Variants in CUEDC1 observed in about 807,000 individuals in gnomAD.
The protein encoded by CUEDC1 is CUE domain-containing protein 1.
In CUEDC1, 30 loss-of-function variants were observed where a neutral mutation model predicts 43.7. The observed-to-expected ratio is 0.69, with a 90% CI of 0.51 to 0.93. The LOEUF (loss-of-function observed/expected upper bound fraction) is 0.93. CUEDC1 is among the 40% of genes least tolerant of loss of function. The probability of loss-of-function intolerance (pLI) is 0.00; values close to 1 mark genes in which losing one functional copy is unlikely to be tolerated. For synonymous variants in CUEDC1, 223 were observed against 223.6 expected, an observed-to-expected ratio of 1.00 and a Z score of 0.02; for missense variants, 486 against 549.0, an observed-to-expected ratio of 0.89 and a Z score of 1.15.
At chr17:57,885,930 C>T (rs2074285501) in intron 1 of CUEDC1, 51 bp from the exon 2 acceptor site, 1 of 181,714 alleles carries the variant, frequency 5.5e-6, no homozygotes, top group Non-Finnish European at 1.1e-5. Flanking sequence ...AACATGAGCT[C>T]AGGGTGGCGG....
chr17:57,933,483 C>G (rs1274461185), intron 1 of CUEDC1, among the ~76,000 whole-genome samples: 1 of 152,104 alleles, frequency 6.6e-6, no homozygotes, highest in African/African-American at 2.4e-5. Flanking sequence ...GATGAAGAAG[C>G]CACTTTCATC....
intron 1 of CUEDC1, among the ~76,000 whole-genome samples, chr17:57,935,406 A>ACACACACAAAC (rs2074851488): frequency 1.6e-4 from 12 of 77,010 alleles, no homozygotes; most frequent in Non-Finnish European, 2.7e-4. Context: ...CACACACACA[A>ACACACACAAAC]ACACACACAC....
At chr17:57,933,568 A>G (rs186445845) in intron 1 of CUEDC1, among the ~76,000 whole-genome samples, 16 of 152,346 alleles carry the variant, frequency 1.1e-4, no homozygotes. Context: ...GGAATCCAGG[A>G]GGACCCAGCC....
chr17:57,952,969 T>C (rs2075022342), intron 1 of CUEDC1, among the ~76,000 whole-genome samples: 1 of 152,126 alleles, frequency 6.6e-6, no homozygotes, highest in South Asian at 2.1e-4. Context: ...AGGCCTCCTC[T>C]GGCCTGGGGC....
intron 2 of CUEDC1, among the ~76,000 whole-genome samples, chr17:57,880,970 C>T (rs551062659): frequency 9.1e-4 from 139 of 152,300 alleles, no homozygotes; most frequent in African/African-American, 3.1e-3. Context: ...GGGAGGAGCT[C>T]AGAGGCTGTG....
At chr17:57,895,705 C>A (rs892333719) in intron 1 of CUEDC1, among the ~76,000 whole-genome samples, 2 of 152,168 alleles carry the variant, frequency 1.3e-5, no homozygotes, top group Admixed American at 6.5e-5. Flanking sequence ...CCCCCTGCCC[C>A]TCCCCTCCCA....
intron 3 of CUEDC1, among the ~76,000 whole-genome samples, chr17:57,875,107 C>G (rs934122890): frequency 6.6e-6 from 1 of 152,120 alleles, no homozygotes; most frequent in Non-Finnish European, 1.5e-5. Flanking sequence ...CTGTTGGAGG[C>G]TTCATTTTTC....
In CUEDC1 at chr17:57,863,865, G is replaced by A. The variant is rs112100910; in HGVS notation, c.*4-580C>T. Among the ~76,000 whole-genome samples the A allele has an allele frequency of 3.8e-3, 584 of 152,084 alleles. 8 individuals are homozygous for A. Among genetic ancestry groups the A allele is most frequent in the African/African-American group, 0.014 (565 of 41,494 alleles). On this transcript the variant is annotated intron_variant, in intron 10 of 10. Coordinates refer to ENST00000577830, the MANE Select transcript of CUEDC1 (RefSeq NM_001271875.2). ...AAAATACAAAAATTAGCCGGGCGGGGTGGCACGTGCCTGTAATCCCAGCTA... is the reference window on the plus strand; with the variant it reads ...AAAATACAAAAATTAGCCGGGCGGGATGGCACGTGCCTGTAATCCCAGCTA...
At chr17:57,886,680 C>G (rs1048785450) in intron 1 of CUEDC1, among the ~76,000 whole-genome samples, 8 of 152,198 alleles carry the variant, frequency 5.3e-5, no homozygotes, top group African/African-American at 1.7e-4. Flanking sequence ...ACCCCAATGT[C>G]AGGCCGACAT....
rs543105419 is a variant in CUEDC1, at chr17:57,951,520, G to A, written c.-316+3705C>T. On this transcript the variant is annotated intron_variant, in intron 1 of 10. Coordinates refer to ENST00000577830, the MANE Select transcript of CUEDC1 (RefSeq NM_001271875.2). Reference sequence around the variant, plus strand: ...GTTGTCCAGGCTAGAGTCCAGTGGTGCAATCTCAGCTCACTGCAACCTCCG... The same window carrying A: ...GTTGTCCAGGCTAGAGTCCAGTGGTACAATCTCAGCTCACTGCAACCTCCG... Among the ~76,000 whole-genome samples, 4 of 152,096 alleles carry A rather than the reference G, an allele frequency of 2.6e-5. No individual in the cohort carries two copies. The South Asian group carries it at 8.3e-4, about 32-fold the overall frequency.
intron 1 of CUEDC1, among the ~76,000 whole-genome samples, chr17:57,918,845 A>AATTTTT (rs549692241): frequency 1.3e-5 from 2 of 152,292 alleles, no homozygotes; most frequent in South Asian, 4.1e-4. Context: ...TTTATATGTC[A>AATTTTT]ATTTTTATTT....
chr17:57,866,826 G>A, intron 9 of CUEDC1: 1 of 464,340 alleles, frequency 2.2e-6, no homozygotes, highest in Non-Finnish European at 3.9e-6. Context: ...GGAAAAGCTG[G>A]ACTATCTAGA....
intron 1 of CUEDC1, among the ~76,000 whole-genome samples, chr17:57,953,678 C>T (rs2075028632): frequency 1.3e-5 from 2 of 152,172 alleles, no homozygotes; most frequent in African/African-American, 4.8e-5. Flanking sequence ...CAAAGGGGCC[C>T]ATGACTCCAA....
intron 1 of CUEDC1, among the ~76,000 whole-genome samples, chr17:57,914,327 C>T (rs983541825): frequency 2.0e-5 from 3 of 152,156 alleles, no homozygotes; most frequent in Non-Finnish European, 4.4e-5. Context: ...TAAATAAGTC[C>T]ACAGGGTATC....
intron 3 of CUEDC1, among the ~76,000 whole-genome samples, chr17:57,877,132 T>C (rs2074136739): frequency 6.6e-6 from 1 of 152,204 alleles, no homozygotes; most frequent in Non-Finnish European, 1.5e-5. Context: ...AAGCCTTCCA[T>C]TTCCTGAGTT....
intron 1 of CUEDC1, among the ~76,000 whole-genome samples, chr17:57,920,914 GGT>G (rs138539476): frequency 0.097 from 14,795 of 152,110 alleles, 813 homozygotes; most frequent in African/African-American, 0.14. Flanking sequence ...TGGGATTACA[GGT>G]GTGAGCCACC....
intron 1 of CUEDC1, among the ~76,000 whole-genome samples, chr17:57,919,349 T>C (rs1434610366): frequency 6.6e-6 from 1 of 151,884 alleles, no homozygotes; most frequent in Admixed American, 6.6e-5. Flanking sequence ...CTGGCTAATT[T>C]TTGTATTTTT....
intron 1 of CUEDC1, among the ~76,000 whole-genome samples, chr17:57,947,888 C>T (rs141290666): frequency 1.3e-5 from 2 of 152,260 alleles, no homozygotes; most frequent in Non-Finnish European, 2.9e-5. Context: ...TATGACTGAA[C>T]ATAATGTCAG....
At chr17:57,884,240 C>T (rs2074256446) in intron 2 of CUEDC1, among the ~76,000 whole-genome samples, 1 of 135,760 alleles carries the variant, frequency 7.4e-6, no homozygotes, top group Non-Finnish European at 1.5e-5. Flanking sequence ...TTCTGTCACC[C>T]AGGCTGGAGT....
Sources: gnomAD v4.1 joint callset for allele counts (sites outside exome capture counted in the v4.1 genomes callset) on GRCh38, gnomAD v4.1.1 for gene constraint, MANE v1.5 for transcripts, NCBI Gene and HGNC (gene_info 2026-07-23, HGNC 2026-07-21) for gene names.